Variants in ZBTB37 observed in about 807,000 individuals in gnomAD.
The protein encoded by ZBTB37 is zinc finger and BTB domain containing 37, also known as zinc finger and BTB domain-containing protein 37.
A neutral mutation model predicts 37.7 loss-of-function variants in ZBTB37; 15 were observed. The ratio of observed to expected loss-of-function variants is 0.40; its 90% CI spans 0.27 to 0.61. ZBTB37 has a LOEUF of 0.61. Ranked by LOEUF, ZBTB37 falls within the 20% of genes least tolerant of loss-of-function variation. ZBTB37 has a pLI of 0.44. For synonymous variants in ZBTB37, 231 were observed against 220.6 expected, an observed-to-expected ratio of 1.05 and a Z score of -0.42; for missense variants, 514 against 641.9, an observed-to-expected ratio of 0.80 and a Z score of 2.15.
chr1:173,869,399 A>C (rs1314184147), intron 2 of ZBTB37, among the ~76,000 whole-genome samples: 1 of 152,246 alleles, frequency 6.6e-6, no homozygotes, highest in Non-Finnish European at 1.5e-5. Flanking sequence ...TTTTTTAAAA[A>C]TATTTTAATG....
exon 4 of ZBTB37, chr1:173,893,229 A>G (rs958243304): frequency 6.6e-6 from 1 of 152,104 alleles, no homozygotes; most frequent in African/African-American, 2.4e-5. Context: ...TATATTCAGC[A>G]TCTCATATGG....
chr1:173,878,959 CG>C (rs1406522896), intron 4 of ZBTB37, among the ~76,000 whole-genome samples: 5 of 151,832 alleles, frequency 3.3e-5, no homozygotes, highest in African/African-American at 1.2e-4. Flanking sequence ...GGCATGGTGG[CG>C]GGTGCCTGTA....
chr1:173,873,982 G>A (rs1039097891), intron 4 of ZBTB37, among the ~76,000 whole-genome samples: 4 of 152,130 alleles, frequency 2.6e-5, no homozygotes, highest in Non-Finnish European at 5.9e-5. Context: ...CTGGCCGGGC[G>A]CAGTGGCTCG....
At chr1:173,897,695 C>T (rs1357381557) in exon 4 of ZBTB37, 1 of 152,202 alleles carries the variant, frequency 6.6e-6, no homozygotes, top group Non-Finnish European at 1.5e-5. Flanking sequence ...CAAGATTGCT[C>T]TGTAGTCCCT....
At chr1:173,886,001 C>A in exon 5 of ZBTB37, 1 of 1,551,768 alleles carries the variant, frequency 6.4e-7, no homozygotes, top group East Asian at 2.4e-5. Context: ...GGCCTCACAG[C>A]ATCTCCCCTG....
At chr1:173,875,607 G>GCA (rs1457950521) in intron 4 of ZBTB37, among the ~76,000 whole-genome samples, 3 of 152,000 alleles carry the variant, frequency 2.0e-5, no homozygotes, top group Non-Finnish European at 4.4e-5. Flanking sequence ...GATTGCAGAT[G>GCA]TGAGCCACCG....
At chr1:173,882,448 G>A (rs908449149) in intron 4 of ZBTB37, among the ~76,000 whole-genome samples, 1 of 151,850 alleles carries the variant, frequency 6.6e-6, no homozygotes, top group African/African-American at 2.4e-5. Flanking sequence ...CACCATATTA[G>A]CCAGGATGGT....
chr1:173,896,104 A>G (rs980151996), exon 4 of ZBTB37: 1 of 152,234 alleles, frequency 6.6e-6, no homozygotes, highest in African/African-American at 2.4e-5. Context: ...TTGGGTACCT[A>G]CAAAGTCCTG....
intron 3 of ZBTB37, 79 bp from the exon 4 acceptor site, chr1:173,873,386 TAA>T: frequency 7.0e-7 from 1 of 1,431,146 alleles, no homozygotes; most frequent in South Asian, 1.5e-5. Flanking sequence ...AGCCATAGAA[TAA>T]AGAGGGGCGA....
exon 5 of ZBTB37, chr1:173,886,323 C>A (rs746704088): frequency 3.9e-6 from 3 of 765,296 alleles, no homozygotes; most frequent in Non-Finnish European, 5.9e-6. Context: ...CCGCCTCACA[C>A]TTTGGAAAAT....
At position 173,877,077 on chromosome 1, in the gene ZBTB37, CTA is replaced by C. The variant is rs377004198; in HGVS notation, c.1023+3512_1023+3513del. Reference sequence around the variant, plus strand: ...CTGAATATAGTAAATATTTGTGTATCTAAACATAGAAACGATAGTGTAAAAAT... The same window carrying C: ...CTGAATATAGTAAATATTTGTGTATCAACATAGAAACGATAGTGTAAAAAT... On this transcript the variant is annotated intron_variant, in intron 4 of 4. Coordinates refer to ENST00000427304, the Ensembl canonical transcript of ZBTB37. Among the ~76,000 whole-genome samples, 52 of 152,176 alleles carry C rather than the reference CTA, an allele frequency of 3.4e-4. No individual in the cohort carries two copies. In the East Asian group the frequency reaches 7.7e-3, roughly 23 times the overall value.
chr1:173,877,909 G>A (rs1656073919), intron 4 of ZBTB37, among the ~76,000 whole-genome samples: 1 of 152,142 alleles, frequency 6.6e-6, no homozygotes, highest in African/African-American at 2.4e-5. Context: ...CACTAATAAA[G>A]TTACTCTTTT....
downstream of ZBTB37, chr1:173,887,001 A>T (rs2102752417): frequency 1.3e-5 from 2 of 152,320 alleles, no homozygotes; most frequent in Middle Eastern, 3.4e-3. Flanking sequence ...AGGTGAATTA[A>T]TGTGTTAGGC....
chr1:173,885,684 C>T lies in ZBTB37; in HGVS notation c.1072C>T (p.Arg358Ter). The T allele has an allele frequency of 1.9e-6, 3 of 1,551,984 alleles. No homozygotes were observed. The highest frequency in any genetic ancestry group is 2.6e-6 in the Non-Finnish European group (3 of 1,147,040). Reference sequence around the variant, plus strand: ...AGTAAGTGGCTATGTGGAGTATCTCCGAGAGCAGGAAGTATCTGAGCGGTG... The same window carrying T: ...AGTAAGTGGCTATGTGGAGTATCTCTGAGAGCAGGAAGTATCTGAGCGGTG... Residue 358 changes from arginine to a stop codon, truncating the protein, a stop_gained, in exon 5 of 5, where the codon CGA becomes TGA. Coordinates refer to ENST00000427304, the Ensembl canonical transcript of ZBTB37. LOFTEE classifies it high-confidence loss of function.
Position 173,883,129 on chromosome 1 carries a change from C to T in ZBTB37, c.1024-2507C>T, listed in dbSNP as rs377590375. On this transcript the variant is annotated intron_variant, in intron 4 of 4. Transcript: ENST00000427304. ...TTGCTATGTAATATTATGCATTCAT[C>T]GCATAATATTTTGGGACCATTGAAG... 3.3e-5 allele frequency among the ~76,000 whole-genome samples: 5 copies of T among 152,082 alleles called. No homozygotes were observed. In the East Asian group the frequency reaches 5.8e-4, roughly 18 times the overall value.
chr1:173,897,554 A>G (rs1205833174), exon 4 of ZBTB37: 1 of 152,208 alleles, frequency 6.6e-6, no homozygotes, highest in African/African-American at 2.4e-5. Context: ...TGTTGCTGTG[A>G]ATTGCAATAT....
chr1:173,894,028 C>T (rs1656949933), exon 4 of ZBTB37: 1 of 152,212 alleles, frequency 6.6e-6, no homozygotes, highest in Non-Finnish European at 1.5e-5. Flanking sequence ...AGGAACAGTA[C>T]TGCTTTTTGT....
rs1376308092 is a variant in ZBTB37, at chr1:173,884,785, T to G, written c.1024-851T>G. ...ATAGTAAATGGTAGCCATTAGCCAC[T>G]TGTCACATGTGGCTATTTAAATTTA... is the stretch of plus-strand genomic sequence containing the variant. On this transcript the variant is annotated intron_variant, in intron 4 of 4. Transcript: ENST00000427304. Among the ~76,000 whole-genome samples the G allele has an allele frequency of 2.0e-5, 3 of 152,368 alleles. No homozygotes were observed. The East Asian group carries it at 5.8e-4, about 29-fold the overall frequency.
chr1:173,874,959 G>C (rs963524048), intron 4 of ZBTB37, among the ~76,000 whole-genome samples: 1 of 151,866 alleles, frequency 6.6e-6, no homozygotes, highest in Non-Finnish European at 1.5e-5. Context: ...TTCGATGTCA[G>C]CAGAGTTTGG....
Sources: gnomAD v4.1 joint callset for allele counts (sites outside exome capture counted in the v4.1 genomes callset) on GRCh38, gnomAD v4.1.1 for gene constraint, MANE v1.5 for transcripts, NCBI Gene and HGNC (gene_info 2026-07-23, HGNC 2026-07-21) for gene names.